The following CRACR2A variants were observed in gnomAD, a reference collection of about 807,000 sequenced individuals.
CRACR2A encodes EF-hand calcium-binding domain-containing protein 4B.
Under a neutral mutation model 90.5 loss-of-function variants are expected in CRACR2A, and 79 were observed. The ratio of observed to expected loss-of-function variants is 0.87; its 90% CI spans 0.73 to 1.05. The LOEUF (loss-of-function observed/expected upper bound fraction) is 1.05, where lower values mean the gene tolerates loss of function less well. Among genes scored for constraint, CRACR2A ranks in the 50% least tolerant of loss-of-function variants. The probability of loss-of-function intolerance (pLI) is 0.00; values close to 1 mark genes in which losing one functional copy is unlikely to be tolerated. For missense variants in CRACR2A, 823 were observed against 897.2 expected, an observed-to-expected ratio of 0.92 and a Z score of 1.06; for synonymous variants, 338 against 356.7, an observed-to-expected ratio of 0.95 and a Z score of 0.59.
chr12:3,676,285 C>T (rs905359001), intron 6 of CRACR2A, among the ~76,000 whole-genome samples: 3 of 152,216 alleles, frequency 2.0e-5, no homozygotes, highest in Admixed American at 2.0e-4. Context: ...CCACAACACA[C>T]ACACAGCATG....
At chr12:3,625,264 C>T (rs557560733) in intron 17 of CRACR2A, among the ~76,000 whole-genome samples, 5 of 152,126 alleles carry the variant, frequency 3.3e-5, no homozygotes, top group African/African-American at 4.8e-5. Flanking sequence ...ATTTCAGCCC[C>T]GTCCCACAAA....
chr12:3,679,713 C>T (rs1287925931), intron 5 of CRACR2A, among the ~76,000 whole-genome samples: 4 of 152,182 alleles, frequency 2.6e-5, no homozygotes, highest in Non-Finnish European at 5.9e-5. Context: ...GATAGTGTGT[C>T]TGGTTTCTTT....
chr12:3,635,439 A>G (rs573309416), intron 14 of CRACR2A, among the ~76,000 whole-genome samples: 5 of 152,350 alleles, frequency 3.3e-5, no homozygotes, highest in Admixed American at 6.5e-5. Flanking sequence ...GAAATACACA[A>G]AAGTAGAGAG....
intron 1 of CRACR2A, among the ~76,000 whole-genome samples, chr12:3,739,200 G>C (rs575259287): frequency 6.6e-6 from 1 of 152,330 alleles, no homozygotes; most frequent in East Asian, 1.9e-4. Flanking sequence ...GTGTGTTGTT[G>C]AAAAAGTTAC....
intron 11 of CRACR2A, among the ~76,000 whole-genome samples, chr12:3,646,921 T>C (rs892970301): frequency 5.9e-5 from 9 of 152,186 alleles, no homozygotes; most frequent in Middle Eastern, 3.2e-3. Flanking sequence ...ATCATCTAAT[T>C]CTCAAAAGAA....
Position 3,648,513 on chromosome 12 carries a change from TCAGCACAGGCCAGTG to T in CRACR2A, c.1118+14_1118+28del, listed in dbSNP as rs777446938. 6.2e-7 allele frequency: 1 copy of T among 1,613,994 alleles called. No individual in the cohort carries two copies. Among genetic ancestry groups the T allele is most frequent in the African/African-American group, 1.3e-5 (1 of 74,930 alleles). ...GACCCCAGGCTTCTGGGAGGTGCTCTCAGCACAGGCCAGTGCCCACCGACGCACCTTAGGAAATCC... is the reference window on the plus strand; with the variant it reads ...GACCCCAGGCTTCTGGGAGGTGCTCTCCCACCGACGCACCTTAGGAAATCC... On this transcript the variant is annotated intron_variant, in intron 11 of 19. Coordinates refer to ENST00000440314, the MANE Select transcript of CRACR2A (RefSeq NM_001144958.2).
chr12:3,694,405 G>C (rs1945703084), intron 4 of CRACR2A, among the ~76,000 whole-genome samples: 1 of 152,170 alleles, frequency 6.6e-6, no homozygotes, highest in Non-Finnish European at 1.5e-5. Flanking sequence ...CCTGCTTTCT[G>C]AATTTGTGTG....
intron 4 of CRACR2A, among the ~76,000 whole-genome samples, chr12:3,682,929 C>T (rs565384521): frequency 3.3e-5 from 5 of 152,084 alleles, no homozygotes; most frequent in African/African-American, 9.6e-5. Flanking sequence ...ACTACAAACG[C>T]CCACCACCAC....
At chr12:3,700,282 A>C (rs1945815296) in intron 3 of CRACR2A, among the ~76,000 whole-genome samples, 1 of 152,138 alleles carries the variant, frequency 6.6e-6, no homozygotes, top group Admixed American at 6.6e-5. Context: ...TTTTTTTGTC[A>C]TAGGGGCTTC....
chr12:3,700,404 GA>G (rs1322512616), intron 3 of CRACR2A, among the ~76,000 whole-genome samples: 3 of 152,178 alleles, frequency 2.0e-5, no homozygotes, highest in Non-Finnish European at 4.4e-5. Flanking sequence ...ATGGCACGGG[GA>G]GGGGAAACAC....
At chr12:3,630,081 G>A (rs1252939216) in intron 15 of CRACR2A, among the ~76,000 whole-genome samples, 1 of 152,154 alleles carries the variant, frequency 6.6e-6, no homozygotes, top group African/African-American at 2.4e-5. Context: ...AGCTCATTTT[G>A]GGGGGTTCTC....
chr12:3,640,111 C>G (rs1944537892), intron 13 of CRACR2A, among the ~76,000 whole-genome samples: 2 of 152,246 alleles, frequency 1.3e-5, no homozygotes, highest in South Asian at 2.1e-4. Flanking sequence ...GGGAAATTCT[C>G]AAGCACTACT....
At chr12:3,632,038 G>A (rs1451767939) in intron 15 of CRACR2A, among the ~76,000 whole-genome samples, 1 of 152,164 alleles carries the variant, frequency 6.6e-6, no homozygotes, top group Non-Finnish European at 1.5e-5. Flanking sequence ...CTGGAGGGAG[G>A]TGACTGGATC....
intron 17 of CRACR2A, 110 bp from the exon 18 acceptor site, chr12:3,619,482 G>T (rs1867770376): frequency 1.2e-6 from 1 of 806,174 alleles, no homozygotes; most frequent in African/African-American, 1.7e-5. Context: ...ATCCCCTGCT[G>T]CCATAAAAGG....
chr12:3,615,471 G>A lies in CRACR2A; in HGVS notation c.2112-32C>T. 1.3e-6 allele frequency: 2 copies of A among 1,529,224 alleles called. 1 individual carries two copies. The highest frequency in any genetic ancestry group is 3.4e-4 in the Middle Eastern group (2 of 5,892). The allele number at this position is 1,529,224 out of a possible 1,614,324, so 94.7% of individuals were successfully genotyped here. On this transcript the variant is annotated intron_variant, in intron 19 of 19. Coordinates refer to ENST00000440314, the MANE Select transcript of CRACR2A (RefSeq NM_001144958.2). ...GAGGGGAAGAGATCGTGTCAGTGAT[G>A]GAGAAGTTGATAGGCCCAGGGGCTG...
In CRACR2A at chr12:3,695,881, G is replaced by A. The variant is rs541400887; in HGVS notation, c.228+891C>T. Among the ~76,000 whole-genome samples, 107 of 152,368 alleles carry A rather than the reference G, an allele frequency of 7.0e-4. 1 individual carries two copies. The highest frequency in any genetic ancestry group is 2.5e-3 in the African/African-American group (105 of 41,594). On this transcript the variant is annotated intron_variant, in intron 4 of 19. Coordinates refer to ENST00000440314, the MANE Select transcript of CRACR2A (RefSeq NM_001144958.2). ...AGAGACTTCAGTCAGACACTGAGAA[G>A]TTTTTGAAACTAAAGAAAGAAAGGC...
intron 2 of CRACR2A, among the ~76,000 whole-genome samples, chr12:3,723,331 A>C (rs1177977397): frequency 6.6e-6 from 1 of 152,108 alleles, no homozygotes; most frequent in East Asian, 1.9e-4. Flanking sequence ...TGCTCTCTGG[A>C]GGACACTGTT....
At chr12:3,640,548 C>G in intron 13 of CRACR2A, 1 of 1,251,770 alleles carries the variant, frequency 8.0e-7, no homozygotes, top group Non-Finnish European at 1.0e-6. Flanking sequence ...TCTGAGGAAC[C>G]AACAGGCCAA....
At chr12:3,748,030 AG>A (rs1359990478) in intron 1 of CRACR2A, among the ~76,000 whole-genome samples, 2 of 149,196 alleles carry the variant, frequency 1.3e-5, no homozygotes, top group Non-Finnish European at 2.9e-5. Context: ...CCACAGGCTC[AG>A]GGGTGCACCC....
Sources: allele counts gnomAD v4.1 joint callset (sites outside exome capture counted in the v4.1 genomes callset), GRCh38; gene constraint gnomAD v4.1.1; transcripts MANE v1.5; gene names NCBI Gene and HGNC (gene_info 2026-07-23, HGNC 2026-07-21).